The following ITGA9 variants were observed in gnomAD, a reference collection of about 807,000 sequenced individuals.
The protein encoded by ITGA9 is integrin subunit alpha 9, also known as integrin alpha-9.
A neutral mutation model predicts 127.8 loss-of-function variants in ITGA9; 56 were observed. The observed-to-expected ratio is 0.44, with a 90% CI of 0.35 to 0.55. The LOEUF (loss-of-function observed/expected upper bound fraction) is 0.55. Ranked by LOEUF, ITGA9 falls within the 20% of genes least tolerant of loss-of-function variation. The probability of loss-of-function intolerance (pLI) is 0.00; values close to 1 mark genes in which losing one functional copy is unlikely to be tolerated. For missense variants in ITGA9, 1,196 were observed against 1,347.1 expected (o/e 0.89, Z 1.76); for synonymous variants, 508 against 514.5 (o/e 0.99, Z 0.17).
Position 37,519,488 on chromosome 3 carries a change from G to A in ITGA9, c.1236+134G>A, listed in dbSNP as rs566852407. 1.3e-4 allele frequency: 97 copies of A among 728,650 alleles called. 1 individual carries two copies. The highest frequency in any genetic ancestry group is 2.0e-4 in the Non-Finnish European group (83 of 405,958). 45.1% of individuals were successfully genotyped at this position (728,650 alleles called of 1,614,324 possible). On this transcript the variant is annotated intron_variant, in intron 11 of 27. Coordinates refer to ENST00000264741, the MANE Select transcript of ITGA9 (RefSeq NM_002207.3). Reference sequence around the variant, plus strand: ...CTTGCCTTGGCCTTCCTACCCTTTTGTGAAAGATACAATTAATATTGCTTA... The same window carrying A: ...CTTGCCTTGGCCTTCCTACCCTTTTATGAAAGATACAATTAATATTGCTTA...
intron 27 of ITGA9, among the ~76,000 whole-genome samples, chr3:37,813,150 T>A (rs1575250291): frequency 6.6e-6 from 1 of 152,176 alleles, no homozygotes. Context: ...GGCTCGTGGG[T>A]TTCCTGGCAT....
intron 15 of ITGA9, among the ~76,000 whole-genome samples, chr3:37,583,308 T>A (rs1441006952): frequency 1.3e-5 from 2 of 152,168 alleles, no homozygotes; most frequent in African/African-American, 4.8e-5. Flanking sequence ...TTGAGGATAA[T>A]AAGAAAGGGG....
At chr3:37,786,156 G>A in intron 26 of ITGA9, among the ~76,000 whole-genome samples, 1 of 152,202 alleles carries the variant, frequency 6.6e-6, no homozygotes, top group Non-Finnish European at 1.5e-5. Flanking sequence ...CTTCCCTTCT[G>A]TGGAATTTAC....
chr3:37,750,465 T>G lies in ITGA9; in HGVS notation c.2437T>G (p.Tyr813Asp), dbSNP rs1696569105. The G allele has an allele frequency of 1.2e-6, 2 of 1,603,746 alleles. No individual in the cohort carries two copies. The highest frequency in any genetic ancestry group is 2.2e-5 in the South Asian group (2 of 90,882). The change falls in exon 23 of 28, where the codon TAC becomes GAC. Residue 813 changes from tyrosine to aspartate, a missense_variant. Transcript: ENST00000264741. ...FQPINITLQV[Y>D]NTGPSTLPGS... Reference sequence around the variant, plus strand: ...TGTGTGTGTTCCACACCCACAGGTCTACAACACTGGCCCAAGCACCCTTCC... The same window carrying G: ...TGTGTGTGTTCCACACCCACAGGTCGACAACACTGGCCCAAGCACCCTTCC...
At chr3:37,652,402 T>G (rs1019231970) in intron 16 of ITGA9, among the ~76,000 whole-genome samples, 2 of 152,214 alleles carry the variant, frequency 1.3e-5, no homozygotes, top group Non-Finnish European at 2.9e-5. Flanking sequence ...GGCTCTCTCC[T>G]TGACCCCAGT....
intron 4 of ITGA9, among the ~76,000 whole-genome samples, chr3:37,490,461 A>G (rs150080655): frequency 3.5e-4 from 53 of 152,358 alleles, no homozygotes; most frequent in African/African-American, 1.2e-3. Flanking sequence ...AACTACAGAA[A>G]AATAATTGTA....
chr3:37,654,328 T>A lies in ITGA9; in HGVS notation c.1916+538T>A, dbSNP rs1408171761. 2.0e-5 allele frequency among the ~76,000 whole-genome samples: 3 copies of A among 152,174 alleles called. No individual in the cohort carries two copies. The East Asian group carries it at 5.8e-4, about 29-fold the overall frequency. ...CCAAGTGAGCAGATAGTCTCCTTAT[T>A]GTTTCAGGGTTTCCTCCCGCACTGC... is the stretch of plus-strand genomic sequence containing the variant. On this transcript the variant is annotated intron_variant, in intron 17 of 27. Coordinates refer to ENST00000264741, the MANE Select transcript of ITGA9 (RefSeq NM_002207.3).
chr3:37,650,478 G>C (rs1047261566), intron 16 of ITGA9, among the ~76,000 whole-genome samples: 2 of 151,970 alleles, frequency 1.3e-5, no homozygotes, highest in African/African-American at 4.8e-5. Flanking sequence ...TATTGCCCAG[G>C]CTGGAGTGCA....
At chr3:37,466,408 C>T (rs896366196) in intron 1 of ITGA9, among the ~76,000 whole-genome samples, 8 of 131,260 alleles carry the variant, frequency 6.1e-5, no homozygotes, top group African/African-American at 1.1e-4. Context: ...TGCTTGAACC[C>T]GGGAGGTGGA....
chr3:37,641,062 G>A (rs993520547), intron 16 of ITGA9, among the ~76,000 whole-genome samples: 3 of 152,144 alleles, frequency 2.0e-5, no homozygotes, highest in Admixed American at 6.5e-5. Context: ...GGGGGGTCCC[G>A]TCTCTGCAGG....
chr3:37,544,102 T>G (rs781263158), intron 15 of ITGA9, among the ~76,000 whole-genome samples: 4 of 152,256 alleles, frequency 2.6e-5, no homozygotes, highest in Non-Finnish European at 5.9e-5. Context: ...GGGCCTCTTC[T>G]TGCTAGGTCT....
chr3:37,790,406 G>A lies in ITGA9; in HGVS notation c.2889+5328G>A, dbSNP rs576330372. 53 of 466,816 alleles carry A rather than the reference G, an allele frequency of 1.1e-4. No homozygotes were observed. In the East Asian group the frequency reaches 2.8e-3, roughly 25 times the overall value. The allele number at this position is 466,816 out of a possible 1,614,324, so 28.9% of individuals were successfully genotyped here. ...ATTTCCCATTCTGCTCGGTTCTCTC[G>A]GTTGGAATGCCTGATCCTGCGAGTC... is the stretch of plus-strand genomic sequence containing the variant. On this transcript the variant is annotated intron_variant, in intron 26 of 27. Coordinates refer to ENST00000264741, the MANE Select transcript of ITGA9 (RefSeq NM_002207.3).
At chr3:37,582,803 T>C (rs947002394) in intron 15 of ITGA9, among the ~76,000 whole-genome samples, 2 of 152,248 alleles carry the variant, frequency 1.3e-5, no homozygotes, top group Non-Finnish European at 2.9e-5. Context: ...TGTCTTCTAC[T>C]GTTCCACAAC....
At position 37,514,996 on chromosome 3, in the gene ITGA9, G is replaced by A. The variant is rs573517190; in HGVS notation, c.1035+1096G>A. ...CTGGGTTGGGGGACAGCAGTGCATCGTGGAAGCAGGAGACCAGTGAGAAAG... is the reference window on the plus strand; with the variant it reads ...CTGGGTTGGGGGACAGCAGTGCATCATGGAAGCAGGAGACCAGTGAGAAAG... On this transcript the variant is annotated intron_variant, in intron 9 of 27. Coordinates refer to ENST00000264741, the MANE Select transcript of ITGA9 (RefSeq NM_002207.3). Among the ~76,000 whole-genome samples, 8 of 152,274 alleles carry A rather than the reference G, an allele frequency of 5.3e-5. No individual in the cohort carries two copies. The East Asian group carries it at 1.2e-3, about 22-fold the overall frequency.
chr3:37,454,031 G>A (rs1383758281), intron 1 of ITGA9, among the ~76,000 whole-genome samples: 1 of 152,216 alleles, frequency 6.6e-6, no homozygotes, highest in Non-Finnish European at 1.5e-5. Flanking sequence ...CAGGGTCTGA[G>A]GTTGAAGAAC....
chr3:37,732,720 G>A lies in ITGA9; in HGVS notation c.2076G>A (p.Met692Ile), dbSNP rs1244460954. 1 of 1,608,094 alleles carries A rather than the reference G, an allele frequency of 6.2e-7. No homozygotes were observed. The highest frequency in any genetic ancestry group is 8.5e-7 in the Non-Finnish European group (1 of 1,177,940). ...GGTGCTTTTTCTTTCAGGAGGAGAT[G>A]GGCATCTCCTGTGAGCTGCTGGAAT... ...FFINMWQKEE[M>I]GISCELLESD... Residue 692 changes from methionine to isoleucine, a missense_variant, in exon 19 of 28, where the codon ATG becomes ATA. Coordinates refer to ENST00000264741, the MANE Select transcript of ITGA9 (RefSeq NM_002207.3).
At chr3:37,475,741 A>T (rs547575214) in intron 3 of ITGA9, among the ~76,000 whole-genome samples, 10 of 152,262 alleles carry the variant, frequency 6.6e-5, no homozygotes, top group Non-Finnish European at 1.5e-4. Flanking sequence ...AACACATGAC[A>T]TAAAACTTAC....
chr3:37,750,714 A>G, intron 23 of ITGA9, 145 bp downstream of exon 23: 1 of 709,494 alleles, frequency 1.4e-6, no homozygotes, highest in Non-Finnish European at 2.6e-6. Context: ...TGGAGAGGCC[A>G]GGGGACCTGT....
chr3:37,733,936 C>T (rs1464431432), intron 19 of ITGA9, among the ~76,000 whole-genome samples: 1 of 152,190 alleles, frequency 6.6e-6, no homozygotes, highest in Non-Finnish European at 1.5e-5. Context: ...TGTACCACTC[C>T]CAGTGTGAAC....
Sources: allele counts gnomAD v4.1 joint callset (sites outside exome capture counted in the v4.1 genomes callset), GRCh38; gene constraint gnomAD v4.1.1; transcripts MANE v1.5; gene names NCBI Gene and HGNC (gene_info 2026-07-23, HGNC 2026-07-21).